LTBP1: variants seen among roughly 807,000 people sequenced by gnomAD.
The protein encoded by LTBP1 is latent transforming growth factor beta binding protein 1.
A neutral mutation model predicts 207.6 loss-of-function variants in LTBP1; 129 were observed. The observed-to-expected ratio is 0.62, with a 90% confidence interval of 0.54 to 0.72. LTBP1 has a LOEUF of 0.72. LTBP1 is among the 30% of genes least tolerant of loss of function. LTBP1 has a pLI of 0.00. For missense variants in LTBP1, 2,281 were observed against 2,217.2 expected (o/e 1.03, Z -0.58); for synonymous variants, 963 against 833.7 (o/e 1.16, Z -2.67).
intron 16 of LTBP1, among the ~76,000 whole-genome samples, chr2:33,274,401 G>A (rs1208143020): frequency 1.3e-5 from 2 of 151,600 alleles, no homozygotes; most frequent in African/African-American, 4.9e-5. Flanking sequence ...AAGCAACAAA[G>A]GAACATATCT....
intron 2 of LTBP1, among the ~76,000 whole-genome samples, chr2:33,012,060 T>C (rs1225864957): frequency 6.6e-6 from 1 of 152,156 alleles, no homozygotes; most frequent in Non-Finnish European, 1.5e-5. Context: ...GTAATAGTTA[T>C]AATTACTTTC....
At chr2:33,320,163 G>C (rs2094333551) in intron 24 of LTBP1, among the ~76,000 whole-genome samples, 1 of 152,180 alleles carries the variant, frequency 6.6e-6, no homozygotes, top group African/African-American at 2.4e-5. Context: ...GAGGTCAGGA[G>C]TTCGAGGCCA....
intron 3 of LTBP1, among the ~76,000 whole-genome samples, chr2:33,066,227 A>G (rs1486726642): frequency 6.6e-6 from 1 of 152,152 alleles, no homozygotes; most frequent in Non-Finnish European, 1.5e-5. Flanking sequence ...TGGCCCTAAC[A>G]TCATACAATT....
intron 2 of LTBP1, among the ~76,000 whole-genome samples, chr2:32,974,949 T>C (rs897007781): frequency 3.9e-5 from 6 of 152,220 alleles, no homozygotes; most frequent in African/African-American, 1.4e-4. Context: ...GCAGACTTGA[T>C]TTTGTAGTTG....
intron 3 of LTBP1, chr2:33,056,398 A>G (rs1572416007): frequency 1.7e-6 from 2 of 1,204,630 alleles, no homozygotes; most frequent in Non-Finnish European, 1.1e-6. Context: ...ATGTTAGGCA[A>G]AATGCCGCCC....
chr2:33,378,765 C>G (rs2095176193), intron 31 of LTBP1, among the ~76,000 whole-genome samples: 1 of 152,220 alleles, frequency 6.6e-6, no homozygotes, highest in African/African-American at 2.4e-5. Flanking sequence ...TAGAACAAAG[C>G]TGCTGACTGC....
chr2:32,962,465 G>C (rs2148449722), intron 2 of LTBP1, among the ~76,000 whole-genome samples: 2 of 152,284 alleles, frequency 1.3e-5, no homozygotes, highest in Middle Eastern at 6.8e-3. Flanking sequence ...TTAGGAGATT[G>C]GCCTACACAG....
chr2:33,057,796 G>A (rs755042552), intron 3 of LTBP1, among the ~76,000 whole-genome samples: 3 of 152,180 alleles, frequency 2.0e-5, no homozygotes, highest in South Asian at 2.1e-4. Context: ...CCCAGTTCCC[G>A]CCCATGCCTC....
At chr2:33,297,398 GCTTT>G (rs1401789723) in intron 20 of LTBP1, among the ~76,000 whole-genome samples, 1 of 136,394 alleles carries the variant, frequency 7.3e-6, no homozygotes, top group Non-Finnish European at 1.6e-5. Flanking sequence ...CTAATATACT[GCTTT>G]ATTTATTTAT....
intron 3 of LTBP1, among the ~76,000 whole-genome samples, chr2:33,091,304 G>T (rs908312408): frequency 1.8e-4 from 27 of 152,076 alleles, no homozygotes; most frequent in Non-Finnish European, 3.4e-4. Flanking sequence ...ATTGTTCCTA[G>T]TTCTCTCTGG....
chr2:33,165,182 T>G (rs1482149572), intron 5 of LTBP1, among the ~76,000 whole-genome samples: 1 of 152,154 alleles, frequency 6.6e-6, no homozygotes, highest in Non-Finnish European at 1.5e-5. Context: ...AGAATGTCCC[T>G]CCTGGCTATG....
intron 26 of LTBP1, among the ~76,000 whole-genome samples, chr2:33,353,221 T>C (rs901378850): frequency 3.3e-5 from 5 of 152,156 alleles, no homozygotes. Context: ...TCAAGTGATC[T>C]GCCTGCCTTG....
At chr2:33,004,786 A>AATATACATATAT (rs1686544282) in intron 2 of LTBP1, among the ~76,000 whole-genome samples, 1 of 101,130 alleles carries the variant, frequency 9.9e-6, no homozygotes, top group East Asian at 4.6e-4. Flanking sequence ...AAAAAAAAGG[A>AATATACATATAT]ATATATATAT....
chr2:33,222,141 C>T lies in LTBP1; in HGVS notation c.1866C>T (p.Thr622=). ...CGGGTTATAAGCGGGTTAACAACACCTTTTGCCAAGGTAAGACTAACTGAA... is the reference window on the plus strand; with the variant it reads ...CGGGTTATAAGCGGGTTAACAACACTTTTTGCCAAGGTAAGACTAACTGAA... ...CLPGYKRVNN[T]FCQDINECQL... is the part of the protein sequence containing the mutation. Residue 622 remains threonine (T), a synonymous_variant, in exon 9 of 34, where the codon ACC becomes ACT. Transcript: ENST00000404816. 1 of 1,609,426 alleles carries T rather than the reference C, an allele frequency of 6.2e-7. No individual in the cohort carries two copies. The highest frequency in any genetic ancestry group is 2.2e-5 in the East Asian group (1 of 44,854).
At chr2:33,093,683 C>A (rs2079230244) in intron 3 of LTBP1, among the ~76,000 whole-genome samples, 1 of 151,818 alleles carries the variant, frequency 6.6e-6, no homozygotes, top group Non-Finnish European at 1.5e-5. Flanking sequence ...TACTCTTGTT[C>A]TTTGGTTTAA....
intron 3 of LTBP1, among the ~76,000 whole-genome samples, chr2:33,055,143 A>G (rs190189591): frequency 6.7e-4 from 102 of 152,212 alleles, no homozygotes; most frequent in African/African-American, 1.2e-3. Flanking sequence ...CTTATTATAG[A>G]ACACCGAGGT....
intron 9 of LTBP1, among the ~76,000 whole-genome samples, chr2:33,235,151 T>C (rs2091981406): frequency 1.3e-5 from 2 of 152,150 alleles, no homozygotes; most frequent in Non-Finnish European, 2.9e-5. Context: ...AGTCTATCCA[T>C]CTGACAAAGG....
intron 5 of LTBP1, among the ~76,000 whole-genome samples, chr2:33,152,963 C>T (rs769507186): frequency 1.3e-5 from 2 of 152,214 alleles, no homozygotes; most frequent in Non-Finnish European, 2.9e-5. Context: ...ATTTCTTCCT[C>T]TCTAAAAGGA....
At chr2:33,184,919 C>T (rs2087037843) in intron 5 of LTBP1, among the ~76,000 whole-genome samples, 1 of 151,940 alleles carries the variant, frequency 6.6e-6, no homozygotes, top group South Asian at 2.1e-4. Flanking sequence ...GTTGTAATGC[C>T]ATAAGATGCA....
Sources: allele counts gnomAD v4.1 joint callset (sites outside exome capture counted in the v4.1 genomes callset), GRCh38; gene constraint gnomAD v4.1.1; transcripts MANE v1.5; gene names NCBI Gene and HGNC (gene_info 2026-07-23, HGNC 2026-07-21).